Variants in ZNF461 observed in about 807,000 individuals in gnomAD.
ZNF461 encodes the protein zinc finger protein 461.
ZNF461 carries 16 observed loss-of-function variants against 18.3 expected under a neutral mutation model. The observed-to-expected ratio is 0.88, with a 90% CI of 0.59 to 1.33. The LOEUF (loss-of-function observed/expected upper bound fraction) is 1.33. Ranked by LOEUF, ZNF461 falls within the 40% of genes most tolerant of loss-of-function variation. The pLI is 0.00. For synonymous variants in ZNF461, 179 were observed against 216.9 expected (o/e 0.83, Z 1.54); for missense variants, 595 against 669.9 (o/e 0.89, Z 1.23).
chr19:36,656,974 T>C lies in ZNF461; in HGVS notation c.137-431A>G, dbSNP rs141586209. On this transcript the variant is annotated intron_variant, in intron 3 of 5. Transcript: ENST00000588268. Reference sequence around the variant, plus strand: ...AGCTGGGATTATAGGCGCACACCACTCTGCCTGGCTAATTTTTGTATTTTA... The same window carrying C: ...AGCTGGGATTATAGGCGCACACCACCCTGCCTGGCTAATTTTTGTATTTTA... Among the ~76,000 whole-genome samples, 410 of 151,910 alleles carry C rather than the reference T, an allele frequency of 2.7e-3. 1 individual carries two copies. Among genetic ancestry groups the C allele is most frequent in the African/African-American group, 9.4e-3 (391 of 41,436 alleles).
chr19:36,665,487 G>T (rs2037893831), intron 1 of ZNF461, among the ~76,000 whole-genome samples: 1 of 152,148 alleles, frequency 6.6e-6, no homozygotes, highest in African/African-American at 2.4e-5. Flanking sequence ...GATGCGGGCG[G>T]ATCACGAGGT....
chr19:36,651,439 CTATT>C (rs1213176779), intron 4 of ZNF461, among the ~76,000 whole-genome samples: 2 of 151,848 alleles, frequency 1.3e-5, no homozygotes, highest in East Asian at 3.9e-4. Context: ...AGAAAATTAT[CTATT>C]TGTCGATAAT....
At chr19:36,662,346 C>T (rs375534366) in intron 2 of ZNF461, among the ~76,000 whole-genome samples, 5 of 151,838 alleles carry the variant, frequency 3.3e-5, no homozygotes, top group East Asian at 1.9e-4. Context: ...ATATCCTCCC[C>T]GCCGGGTTCA....
At chr19:36,646,623 A>G (rs566563768) in intron 4 of ZNF461, among the ~76,000 whole-genome samples, 1 of 152,352 alleles carries the variant, frequency 6.6e-6, no homozygotes, top group South Asian at 2.1e-4. Context: ...TAACTAATGC[A>G]TCATGTTACA....
chr19:36,639,421 C>T lies in ZNF461; in HGVS notation c.924G>A (p.Lys308=). The T allele has an allele frequency of 6.2e-7, 1 of 1,614,058 alleles. No homozygotes were observed. Among genetic ancestry groups the T allele is most frequent in the South Asian group, 1.1e-5 (1 of 91,082 alleles). ...TAAGCTGTGATCGCTGTCTAAAGGC[C>T]TTCCCACATTCTTTACATTCATAAG... ...EKPYECKECG[K]AFRQRSQLTQ... Residue 308 remains lysine (K), a synonymous_variant, in exon 6 of 6, where the codon AAG becomes AAA. Coordinates refer to ENST00000588268, the MANE Select transcript of ZNF461 (RefSeq NM_153257.5).
At chr19:36,644,605 G>A (rs1239710438) in intron 4 of ZNF461, among the ~76,000 whole-genome samples, 1 of 148,120 alleles carries the variant, frequency 6.8e-6, no homozygotes, top group Non-Finnish European at 1.5e-5. Context: ...TTTTGTTTTT[G>A]TTTTTTTTGA....
intron 4 of ZNF461, among the ~76,000 whole-genome samples, chr19:36,651,589 C>T (rs1568654111): frequency 6.6e-6 from 1 of 152,008 alleles, no homozygotes; most frequent in African/African-American, 2.4e-5. Flanking sequence ...TACAAATGCT[C>T]CAAAGAAAAT....
chr19:36,658,252 T>A (rs186582080), intron 3 of ZNF461, 47 bp downstream of exon 3: 50 of 1,558,750 alleles, frequency 3.2e-5, no homozygotes, highest in South Asian at 2.0e-4. Context: ...TGTGAATTGT[T>A]AGCGGAATTC....
chr19:36,661,605 T>C (rs1428915051), intron 2 of ZNF461, among the ~76,000 whole-genome samples: 2 of 145,132 alleles, frequency 1.4e-5, no homozygotes, highest in African/African-American at 2.9e-5. Context: ...AGAGCCAGCA[T>C]TGCCTTGACA....
chr19:36,649,460 A>C (rs2037587986), intron 4 of ZNF461, among the ~76,000 whole-genome samples: 2 of 152,060 alleles, frequency 1.3e-5, no homozygotes. Context: ...CTTCCTGAGT[A>C]GCTGGGATTA....
chr19:36,639,710 CTT>C lies in ZNF461; in HGVS notation c.633_634del (p.Arg212AsnfsTer4), dbSNP rs752706380. ...TTCAGAAAGTTCTTTAGAATGAGTT[CTT>C]TTGTGGTGACTAAAAAATAAATGGT... On this transcript the variant is annotated frameshift_variant, in exon 6 of 6. Transcript: ENST00000588268. LOFTEE classifies it low-confidence loss of function (END_TRUNC). The C allele has an allele frequency of 2.0e-5, 33 of 1,613,434 alleles. No individual in the cohort carries two copies. Among genetic ancestry groups the C allele is most frequent in the Non-Finnish European group, 2.7e-5 (32 of 1,179,648 alleles).
intron 4 of ZNF461, among the ~76,000 whole-genome samples, chr19:36,652,045 G>A (rs1335697596): frequency 6.6e-6 from 1 of 152,040 alleles, no homozygotes; most frequent in African/African-American, 2.4e-5. Context: ...ACTAAGTTTT[G>A]ACAAAGGTGA....
intron 4 of ZNF461, 102 bp from the exon 5 acceptor site, chr19:36,643,964 C>T: frequency 2.1e-6 from 2 of 967,388 alleles, no homozygotes; most frequent in Non-Finnish European, 2.7e-6. Flanking sequence ...CAGAGTTTCG[C>T]TCTTGTTGCC....
intron 5 of ZNF461, among the ~76,000 whole-genome samples, chr19:36,642,884 A>C (rs544941300): frequency 1.3e-5 from 2 of 151,680 alleles, no homozygotes; most frequent in Non-Finnish European, 2.9e-5. Context: ...CTTCCCAAGT[A>C]GTTGGGATTA....
rs2037313556 is a variant in ZNF461, at chr19:36,637,348, C to A, written c.*1305G>T. On this transcript the variant is annotated 3_prime_UTR_variant, in exon 6 of 6. Transcript: ENST00000588268. ...AGTAGCTGGGACTACAGGCACCCACCACCACGCCCAGCTAATTTTTGTATT... is the reference window on the plus strand; with the variant it reads ...AGTAGCTGGGACTACAGGCACCCACAACCACGCCCAGCTAATTTTTGTATT... The A allele has an allele frequency of 6.6e-6, 1 of 151,978 alleles. No individual in the cohort carries two copies. Among genetic ancestry groups the A allele is most frequent in the Admixed American group, 6.6e-5 (1 of 15,216 alleles). The allele number at this position is 151,978 out of a possible 1,614,324, so 9.4% of individuals were successfully genotyped here.
intron 2 of ZNF461, among the ~76,000 whole-genome samples, chr19:36,662,855 C>G (rs1053965059): frequency 6.6e-6 from 1 of 151,928 alleles, no homozygotes; most frequent in Non-Finnish European, 1.5e-5. Flanking sequence ...TGAATATTAA[C>G]AATTATCAGG....
chr19:36,655,244 C>T (rs10409123), intron 4 of ZNF461, among the ~76,000 whole-genome samples: 14,528 of 152,178 alleles, frequency 0.095, 774 homozygotes, highest in African/African-American at 0.15. Context: ...AATCCTCCCA[C>T]CTGAGCCTCC....
intron 5 of ZNF461, among the ~76,000 whole-genome samples, chr19:36,642,508 T>G (rs756683372): frequency 3.3e-5 from 5 of 151,984 alleles, no homozygotes; most frequent in Non-Finnish European, 7.4e-5. Context: ...ACCTGGCAAC[T>G]CCAGACTCCA....
intron 4 of ZNF461, among the ~76,000 whole-genome samples, chr19:36,648,174 C>T (rs964376033): frequency 2.6e-5 from 4 of 151,400 alleles, no homozygotes; most frequent in Admixed American, 6.6e-5. Flanking sequence ...AATGAAACTC[C>T]GTTTCAAAAA....
Sources: allele counts gnomAD v4.1 joint callset (sites outside exome capture counted in the v4.1 genomes callset), GRCh38; gene constraint gnomAD v4.1.1; transcripts MANE v1.5; gene names NCBI Gene and HGNC (gene_info 2026-07-23, HGNC 2026-07-21).